The following MRPL3 variants were observed in gnomAD, a reference collection of about 807,000 sequenced individuals.
MRPL3 encodes mitochondrial ribosomal protein L3.
MRPL3 carries 43 observed loss-of-function variants against 44.3 expected under a neutral mutation model. That is an observed-to-expected ratio of 0.97 (90% CI 0.76 to 1.25). The LOEUF is 1.25. MRPL3 is among the 50% of genes most tolerant of loss of function. MRPL3 has a pLI of 0.00. For missense variants in MRPL3, 406 were observed against 427.6 expected, an observed-to-expected ratio of 0.95 and a Z score of 0.45; for synonymous variants, 171 against 152.3, an observed-to-expected ratio of 1.12 and a Z score of -0.91.
intron 9 of MRPL3, among the ~76,000 whole-genome samples, chr3:131,467,240 GCACACACACACACATACACACA>G (rs1036805024): frequency 1.3e-5 from 2 of 150,910 alleles, no homozygotes; most frequent in African/African-American, 2.4e-5. Context: ...CCATACGCGC[GCACACACACACACATACACACA>G]CACACACACA....
At position 131,471,394 on chromosome 3, in the gene MRPL3, T is replaced by C. The variant is rs924195542; in HGVS notation, c.630-115A>G. On this transcript the variant is annotated intron_variant, in intron 6 of 9. Coordinates refer to ENST00000264995, the MANE Select transcript of MRPL3 (RefSeq NM_007208.4). ...TTGTTAGAGTTTTAACAAAGCTTCT[T>C]ATTTAAATAACTAGAAAAGGCTATA... is the stretch of plus-strand genomic sequence containing the variant. 6 of 714,406 alleles carry C rather than the reference T, an allele frequency of 8.4e-6. No homozygotes were observed. The African/African-American group carries it at 8.9e-5, about 11-fold the overall frequency. 44.3% of individuals were successfully genotyped at this position (714,406 alleles called of 1,614,324 possible).
At chr3:131,491,537 C>T (rs1291884172) in intron 4 of MRPL3, among the ~76,000 whole-genome samples, 1 of 152,168 alleles carries the variant, frequency 6.6e-6, no homozygotes. Flanking sequence ...CAACTCCCTT[C>T]ACCAAGCCTG....
intron 1 of MRPL3, 132 bp downstream of exon 1, chr3:131,502,598 C>G: frequency 1.4e-6 from 1 of 704,980 alleles, no homozygotes. Flanking sequence ...AGGTTAACGG[C>G]CCTTATTCTT....
chr3:131,480,935 G>A (rs1020656496), intron 6 of MRPL3, among the ~76,000 whole-genome samples: 2 of 152,166 alleles, frequency 1.3e-5, no homozygotes, highest in African/African-American at 4.8e-5. Flanking sequence ...AGACCCTCAG[G>A]TTAAAGATAA....
At chr3:131,496,715 C>T (rs1207687221) in intron 4 of MRPL3, among the ~76,000 whole-genome samples, 3 of 152,194 alleles carry the variant, frequency 2.0e-5, no homozygotes, top group Non-Finnish European at 4.4e-5. Flanking sequence ...TCAACTCTCC[C>T]CTGATCTCTT....
Position 131,490,642 on chromosome 3 carries a change from A to G in MRPL3, c.469-562T>C, listed in dbSNP as rs200035956. ...GCACTGTTTCCTCTTCCTCCCTTTG[A>G]GTTGATCAAATAAAAGAATTAAGAG... is the stretch of plus-strand genomic sequence containing the variant. On this transcript the variant is annotated intron_variant, in intron 4 of 9. Coordinates refer to ENST00000264995, the MANE Select transcript of MRPL3 (RefSeq NM_007208.4). 5.9e-5 allele frequency among the ~76,000 whole-genome samples: 9 copies of G among 152,310 alleles called. No homozygotes were observed. In the East Asian group the frequency reaches 1.7e-3, roughly 29 times the overall value.
chr3:131,477,969 T>C (rs1221296851), intron 6 of MRPL3, among the ~76,000 whole-genome samples: 1 of 152,136 alleles, frequency 6.6e-6, no homozygotes, highest in Non-Finnish European at 1.5e-5. Context: ...CTCTTCTCAC[T>C]AAGGTTTAAA....
intron 5 of MRPL3, among the ~76,000 whole-genome samples, chr3:131,489,009 GAGCTAC>G (rs1489714700): frequency 1.4e-4 from 22 of 151,882 alleles, no homozygotes; most frequent in South Asian, 8.3e-4. Context: ...TGTATGATTT[GAGCTAC>G]AGCAAAAGTT....
At chr3:131,490,698 T>C (rs943309554) in intron 4 of MRPL3, among the ~76,000 whole-genome samples, 4 of 152,236 alleles carry the variant, frequency 2.6e-5, no homozygotes, top group East Asian at 1.9e-4. Context: ...AAATTGTCTA[T>C]ACCAGCACTA....
chr3:131,477,356 C>G (rs1289308652), intron 6 of MRPL3, among the ~76,000 whole-genome samples: 2 of 152,162 alleles, frequency 1.3e-5, no homozygotes, highest in Admixed American at 1.3e-4. Context: ...CTTCATATCC[C>G]TCCTCGTCTT....
chr3:131,488,482 A>G (rs9824984), intron 5 of MRPL3, among the ~76,000 whole-genome samples: 112,734 of 151,980 alleles, frequency 0.74, 43,135 homozygotes, highest in African/African-American at 0.91. Flanking sequence ...TAACATTTAT[A>G]AGAACTATTT....
In MRPL3 at chr3:131,502,773, G is replaced by C. The variant is rs1485897099; in HGVS notation, c.49C>G (p.Arg17Gly). The change falls in exon 1 of 10, where the codon CGA becomes GGA. Residue 17 changes from arginine to glycine, a missense_variant. Transcript: ENST00000264995. ...LTQVGAQVLG[R>G]LGDGLGAALG... ...GCAGCACCCAGGCCGTCCCCGAGTC[G>C]ACCCAGCACCTGGGCGCCGACCTGC... is the stretch of plus-strand genomic sequence containing the variant. The C allele has an allele frequency of 1.9e-6, 3 of 1,612,120 alleles. No individual in the cohort carries two copies. Among genetic ancestry groups the C allele is most frequent in the African/African-American group, 2.7e-5 (2 of 74,892 alleles).
At chr3:131,466,226 T>A (rs1359862592) in intron 9 of MRPL3, among the ~76,000 whole-genome samples, 1 of 152,074 alleles carries the variant, frequency 6.6e-6, no homozygotes, top group Non-Finnish European at 1.5e-5. Context: ...AAAAAATATA[T>A]AAGGAAACAC....
At position 131,462,820 on chromosome 3, in the gene MRPL3, G is replaced by A; in HGVS notation, c.950C>T (p.Pro317Leu). Residue 317 changes from proline to leucine, a missense_variant, in exon 10 of 10, where the codon CCT (proline) becomes CTT (leucine). Pro to Leu is a moderately conservative substitution (Grantham distance 98). Transcript: ENST00000264995. The part of the protein sequence containing the change: ...YKDLGKNLPF[P>L]TYFPDGDEEE... ...TTCATCTCCATCAGGAAAATATGTA[G>A]GGAATGGTAGATTTTTACCGAGATC... 1 of 1,612,358 alleles carries A rather than the reference G, an allele frequency of 6.2e-7. No individual in the cohort carries two copies. Among genetic ancestry groups the A allele is most frequent in the Non-Finnish European group, 8.5e-7 (1 of 1,178,958 alleles).
chr3:131,500,887 A>C (rs1934483243), intron 2 of MRPL3, among the ~76,000 whole-genome samples: 2 of 152,140 alleles, frequency 1.3e-5, no homozygotes, highest in African/African-American at 4.8e-5. Flanking sequence ...TATCACTCAA[A>C]CTCTGAGAAG....
chr3:131,465,005 T>C (rs1933570157), intron 9 of MRPL3, among the ~76,000 whole-genome samples: 1 of 152,224 alleles, frequency 6.6e-6, no homozygotes, highest in Non-Finnish European at 1.5e-5. Flanking sequence ...CACAAACCTA[T>C]AAAATGTTCC....
At chr3:131,495,394 T>C (rs902357548) in intron 4 of MRPL3, among the ~76,000 whole-genome samples, 7 of 152,286 alleles carry the variant, frequency 4.6e-5, no homozygotes, top group South Asian at 4.1e-4. Context: ...TTTCTTGTTA[T>C]TGTAATAAAT....
In MRPL3 at chr3:131,462,459, C is replaced by A. The variant is rs746117457; in HGVS notation, c.*264G>T. The A allele has an allele frequency of 7.0e-6, 2 of 287,592 alleles. No homozygotes were observed. The highest frequency in any genetic ancestry group is 9.7e-4 in the Middle Eastern group (1 of 1,032). 17.8% of individuals were successfully genotyped at this position (287,592 alleles called of 1,614,324 possible). A position where few individuals can be genotyped will look rare whatever the true frequency, so the allele number is the denominator to read the frequency against. ...TGGGAAATATGTAGTAAAAAAGAAT[C>A]GAGTCCACAAATTAAGAATATTTTG... On this transcript the variant is annotated 3_prime_UTR_variant, in exon 10 of 10. Coordinates refer to ENST00000264995, the MANE Select transcript of MRPL3 (RefSeq NM_007208.4).
Position 131,469,716 on chromosome 3 carries a change from T to G in MRPL3, c.796A>C (p.Arg266=). 1 of 1,611,788 alleles carries G rather than the reference T, an allele frequency of 6.2e-7. No individual in the cohort carries two copies. Among genetic ancestry groups the G allele is most frequent in the Non-Finnish European group, 8.5e-7 (1 of 1,178,498 alleles). ...KMPGKMGNIY[R]TEYGLKVWRI... ...CTTACTTTCAGTCCATATTCTGTCC[T>G]GTATATGTTTCCCATTTTTCCAGGC... The change falls in exon 8 of 10, where the codon AGG becomes CGG. Residue 266 remains arginine (R), a synonymous_variant. Transcript: ENST00000264995.
Sources: gnomAD v4.1 joint callset for allele counts (sites outside exome capture counted in the v4.1 genomes callset) on GRCh38, gnomAD v4.1.1 for gene constraint, MANE v1.5 for transcripts, NCBI Gene and HGNC (gene_info 2026-07-23, HGNC 2026-07-21) for gene names.